Variants in MUC17 observed in about 807,000 individuals in gnomAD.
MUC17 encodes mucin-17.
MUC17 carries 190 observed loss-of-function variants against 170.3 expected under a neutral mutation model. The observed-to-expected ratio is 1.12, with a 90% CI of 0.99 to 1.26. The LOEUF (loss-of-function observed/expected upper bound fraction) is 1.26, where lower values mean the gene tolerates loss of function less well. Among genes scored for constraint, MUC17 ranks in the 50% most tolerant of loss-of-function variants. The pLI, the probability that MUC17 is intolerant of heterozygous loss-of-function variation, is 0.00. For synonymous variants in MUC17, 2,325 were observed against 2,002.5 expected, an observed-to-expected ratio of 1.16 and a Z score of -4.30; for missense variants, 6,415 against 5,530.0, an observed-to-expected ratio of 1.16 and a Z score of -5.08.
intron 5 of MUC17, 51 bp from the exon 6 acceptor site, chr7:101,049,273 G>T: frequency 1.2e-6 from 2 of 1,613,360 alleles, no homozygotes; most frequent in Non-Finnish European, 1.7e-6. Flanking sequence ...ATGTCCCACA[G>T]AACGGCCCCG....
intron 9 of MUC17, among the ~76,000 whole-genome samples, chr7:101,052,697 G>A (rs147682927): frequency 1.3e-3 from 191 of 152,224 alleles, no homozygotes; most frequent in African/African-American, 4.2e-3. Flanking sequence ...TGGAGTCCCT[G>A]GGGGTGCAGC....
At chr7:101,056,110 C>T in intron 11 of MUC17, 84 bp from the exon 12 acceptor site, 2 of 1,587,144 alleles carry the variant, frequency 1.3e-6, no homozygotes, top group Non-Finnish European at 1.7e-6. Flanking sequence ...CTGTCTCATC[C>T]TCCATCAGAT....
intron 11 of MUC17, among the ~76,000 whole-genome samples, chr7:101,053,908 A>T (rs1795002725): frequency 6.6e-6 from 1 of 151,206 alleles, no homozygotes; most frequent in South Asian, 2.1e-4. Context: ...AAAAAATTTT[A>T]AATTATCTGG....
chr7:101,029,112 C>T (rs1162374945), intron 1 of MUC17, among the ~76,000 whole-genome samples: 2 of 151,700 alleles, frequency 1.3e-5, no homozygotes, highest in African/African-American at 4.8e-5. Context: ...CACTTGAACC[C>T]AGAAGGCAGA....
intron 11 of MUC17, among the ~76,000 whole-genome samples, chr7:101,054,580 A>G (rs1030583099): frequency 1.3e-5 from 2 of 152,022 alleles, no homozygotes; most frequent in Non-Finnish European, 2.9e-5. Flanking sequence ...TACAGTCCCA[A>G]TGCTTTGGGA....
At position 101,034,196 on chromosome 7, in the gene MUC17, C is replaced by A; in HGVS notation, c.2780C>A (p.Thr927Lys). ...STPGEGSTPLTSMPDSTTPVV... is the reference protein window; with the variant it reads ...STPGEGSTPLKSMPDSTTPVV... ...CCTGGGGAAGGAAGCACTCCATTAA[C>A]AAGTATGCCTGACAGCACCACGCCG... is the stretch of plus-strand genomic sequence containing the variant. Residue 927 changes from threonine to lysine, a missense_variant, in exon 3 of 13, where the codon ACA becomes AAA. Thr to Lys is a moderately conservative substitution (Grantham distance 78, BLOSUM62 -1). Transcript: ENST00000306151. 2 of 1,586,872 alleles carry A rather than the reference C, an allele frequency of 1.3e-6. No homozygotes were observed. Among genetic ancestry groups the A allele is most frequent in the Non-Finnish European group, 1.7e-6 (2 of 1,165,242 alleles).
chr7:101,025,365 GAA>G (rs796440861), intron 1 of MUC17, among the ~76,000 whole-genome samples: 1 of 121,894 alleles, frequency 8.2e-6, no homozygotes, highest in Non-Finnish European at 1.8e-5. Context: ...TCCGTCTTAA[GAA>G]AAAAAAAAAA....
intron 1 of MUC17, among the ~76,000 whole-genome samples, chr7:101,023,413 T>G (rs12671641): frequency 0.63 from 95,615 of 151,846 alleles, 30,397 homozygotes; most frequent in East Asian, 0.8. Context: ...TTTTAAGACA[T>G]GGTCTCACTC....
chr7:101,056,308 C>T, intron 12 of MUC17, 38 bp downstream of exon 12: 1 of 1,610,270 alleles, frequency 6.2e-7, no homozygotes, highest in Non-Finnish European at 8.5e-7. Context: ...CCTCCCCCAA[C>T]CCTGCGACTT....
rs1342679565 is a variant in MUC17 at position 101,038,664 on chromosome 7, C to A, written c.7248C>A (p.Thr2416=). ...CGGTGGTCAGTTCTGAGGCTAGCAC[C>A]CATTCCACAACTCCTGTTGACACCA... is the stretch of plus-strand genomic sequence containing the variant. ...TMPVVSSEAS[T]HSTTPVDTST... The change falls in exon 3 of 13, where the codon ACC becomes ACA. Residue 2416 remains threonine (T), a synonymous_variant. Transcript: ENST00000306151. 6.2e-7 allele frequency: 1 copy of A among 1,613,156 alleles called. No homozygotes were observed. Among genetic ancestry groups the A allele is most frequent in the East Asian group, 2.2e-5 (1 of 44,776 alleles).
In MUC17 at chr7:101,033,879, T is replaced by A. The variant is rs776256902; in HGVS notation, c.2463T>A (p.Pro821=). Residue 821 remains proline, a synonymous_variant, in exon 3 of 13, where the codon CCT becomes CCA. Coordinates refer to ENST00000306151, the MANE Select transcript of MUC17 (RefSeq NM_001040105.2). ...TCAGCATCACACCGGTGACCAGTCC[T>A]GAGGCTAGCACCCTTTCAACAACTC... The part of the protein sequence containing the change: ...IPVSITPVTS[P]EASTLSTTPV... The A allele has an allele frequency of 1.9e-6, 3 of 1,613,714 alleles. No individual in the cohort carries two copies. The highest frequency in any genetic ancestry group is 2.5e-6 in the Non-Finnish European group (3 of 1,179,804).
In MUC17 at chr7:101,040,914, A is replaced by G. The variant is rs754316309; in HGVS notation, c.9498A>G (p.Leu3166=). 6.2e-7 allele frequency: 1 copy of G among 1,613,418 alleles called. No homozygotes were observed. Among genetic ancestry groups the G allele is most frequent in the Non-Finnish European group, 8.5e-7 (1 of 1,179,936 alleles). The change falls in exon 3 of 13, where the codon TTA becomes TTG. Residue 3166 remains leucine, a synonymous_variant. Coordinates refer to ENST00000306151, the MANE Select transcript of MUC17 (RefSeq NM_001040105.2). ...TSTPSEGSTP[L]TYMPVSTMLV... is the part of the protein sequence containing the mutation. ...CTCCTAGTGAAGGAAGTACTCCATT[A>G]ACATATATGCCTGTCAGCACCATGC...
Position 101,034,076 on chromosome 7 carries a change from C to T in MUC17, c.2660C>T (p.Thr887Ile). Residue 887 changes from threonine to isoleucine, a missense_variant, in exon 3 of 13, where the codon ACA becomes ATA. Transcript: ENST00000306151. ...VATSAISTLS[T>I]TPVDTSTPVT... is the part of the protein sequence containing the mutation. ...ACTTCTGCAATCAGCACCCTTTCAA[C>T]AACTCCTGTTGACACCAGCACACCT... 6.3e-7 allele frequency: 1 copy of T among 1,584,720 alleles called. No homozygotes were observed. The highest frequency in any genetic ancestry group is 8.6e-7 in the Non-Finnish European group (1 of 1,165,152).
rs537999927 is a variant in MUC17, at chr7:101,036,136, C to T, written c.4720C>T (p.Pro1574Ser). ...CTCAACTTATAGTGAAGGAAGCACT[C>T]CACTAACAAGTTTGCCTGTCAGCAC... ...QTSTYSEGST[P>S]LTSLPVSTML... Residue 1574 changes from proline (P) to serine (S), a missense_variant, in exon 3 of 13, where the codon CCA (proline) becomes TCA (serine). By Grantham distance (74) the Pro-to-Ser change is moderately conservative. Transcript: ENST00000306151. 1.9e-5 allele frequency: 30 copies of T among 1,612,956 alleles called. No individual in the cohort carries two copies. In the East Asian group the frequency reaches 6.0e-4, roughly 32 times the overall value.
chr7:101,057,391 G>A (rs558425740), intron 12 of MUC17, among the ~76,000 whole-genome samples: 5 of 152,308 alleles, frequency 3.3e-5, no homozygotes, highest in East Asian at 1.9e-4. Context: ...CCTACCTGGC[G>A]GGGAGGGGAA....
Position 101,039,605 on chromosome 7 carries a change from G to A in MUC17, c.8189G>A (p.Ser2730Asn), listed in dbSNP as rs765044528. Residue 2730 changes from serine to asparagine, a missense_variant, in exon 3 of 13, where the codon AGT becomes AAT. Physicochemically the swap from Ser to Asn is conservative, Grantham distance 46. Transcript: ENST00000306151. Reference protein sequence around the residue: ...STPVTTSAEASSSPTTAEGTS... With the variant: ...STPVTTSAEANSSPTTAEGTS... ...CCTGTCACCACTTCTGCTGAAGCCA[G>A]TTCTTCTCCTACAACTGCTGAAGGT... 3 of 1,612,748 alleles carry A rather than the reference G, an allele frequency of 1.9e-6. No individual in the cohort carries two copies. The highest frequency in any genetic ancestry group is 2.2e-5 in the East Asian group (1 of 44,830).
intron 11 of MUC17, among the ~76,000 whole-genome samples, chr7:101,053,941 T>C (rs934220681): frequency 2.7e-5 from 4 of 149,956 alleles, no homozygotes; most frequent in African/African-American, 9.9e-5. Flanking sequence ...GCACCTGAAG[T>C]CCCAACTACT....
chr7:101,030,062 T>A (rs575814593), intron 1 of MUC17, among the ~76,000 whole-genome samples: 1 of 152,304 alleles, frequency 6.6e-6, no homozygotes, highest in Non-Finnish European at 1.5e-5. Context: ...TTTAAAACTT[T>A]CCCACACATA....
rs145637034 is a variant in MUC17, at chr7:101,042,353, C to T, written c.10937C>T (p.Ser3646Leu). 4,901 of 1,613,884 alleles carry T rather than the reference C, an allele frequency of 3.0e-3. 11 individuals carry two copies. Among genetic ancestry groups the T allele is most frequent in the Non-Finnish European group, 3.8e-3 (4,453 of 1,179,946 alleles). Residue 3646 changes from serine (S) to leucine (L), a missense_variant, in exon 3 of 13, where the codon TCG becomes TTG. Transcript: ENST00000306151. ...ACCATTATGCCTGTCAGCACCACAT[C>T]GGTGACCATTTCTGAGGCTGGCACA... ...PLTIMPVSTT[S>L]VTISEAGTAS...
Sources: allele counts gnomAD v4.1 joint callset (sites outside exome capture counted in the v4.1 genomes callset), GRCh38; gene constraint gnomAD v4.1.1; transcripts MANE v1.5; gene names NCBI Gene and HGNC (gene_info 2026-07-23, HGNC 2026-07-21).